DOCK5: variants seen among roughly 807,000 people sequenced by gnomAD.
DOCK5 encodes the protein dedicator of cytokinesis protein 5.
Under a neutral mutation model 251.8 loss-of-function variants are expected in DOCK5, and 142 were observed. That is an observed-to-expected ratio of 0.56 (90% confidence interval 0.49 to 0.65). The LOEUF (loss-of-function observed/expected upper bound fraction) is 0.65. DOCK5 is among the 30% of genes least tolerant of loss of function. The pLI is 0.00. For synonymous variants in DOCK5, 842 were observed against 835.5 expected, an observed-to-expected ratio of 1.01 and a Z score of -0.13; for missense variants, 2,111 against 2,312.3, an observed-to-expected ratio of 0.91 and a Z score of 1.79.
At position 25,325,637 on chromosome 8, in the gene DOCK5, G is replaced by A; in HGVS notation, c.1903+90G>A. On this transcript the variant is annotated intron_variant, in intron 18 of 51. Transcript: ENST00000276440. Reference sequence around the variant, plus strand: ...AGGCTCACAGGGCTGGACTATATGGGGCTGGGTCTTATTAGGTAGGATGTT... The same window carrying A: ...AGGCTCACAGGGCTGGACTATATGGAGCTGGGTCTTATTAGGTAGGATGTT... The A allele has an allele frequency of 6.8e-6, 10 of 1,473,034 alleles. No homozygotes were observed. In the South Asian group the frequency reaches 1.4e-4, roughly 20 times the overall value. 91.2% of individuals were successfully genotyped at this position (1,473,034 alleles called of 1,614,324 possible).
At chr8:25,364,356 C>T (rs1382037831) in intron 29 of DOCK5, among the ~76,000 whole-genome samples, 1 of 152,138 alleles carries the variant, frequency 6.6e-6, no homozygotes. Context: ...TCCTCTGAGG[C>T]TTAAGAGTCC....
At chr8:25,306,444 C>A (rs928295444) in intron 11 of DOCK5, among the ~76,000 whole-genome samples, 1 of 152,058 alleles carries the variant, frequency 6.6e-6, no homozygotes, top group East Asian at 1.9e-4. Context: ...CATAGGCTTA[C>A]GCCTGTAATC....
chr8:25,343,001 G>A (rs192313288), intron 25 of DOCK5, among the ~76,000 whole-genome samples: 63 of 151,654 alleles, frequency 4.2e-4, no homozygotes, highest in Non-Finnish European at 7.2e-4. Context: ...CACCGCGTCC[G>A]GCTTGTTTGT....
chr8:25,216,087 A>G (rs1425327324), intron 1 of DOCK5, among the ~76,000 whole-genome samples: 2 of 149,046 alleles, frequency 1.3e-5, no homozygotes, highest in African/African-American at 2.6e-5. Context: ...TATACAACAT[A>G]TGTACACAAT....
intron 6 of DOCK5, among the ~76,000 whole-genome samples, chr8:25,295,978 C>T (rs1563342080): frequency 6.6e-6 from 1 of 152,106 alleles, no homozygotes; most frequent in Admixed American, 6.5e-5. Context: ...TGCTACTACA[C>T]CTGGCTAATT....
intron 2 of DOCK5, among the ~76,000 whole-genome samples, chr8:25,246,420 C>G (rs962406531): frequency 2.0e-5 from 3 of 152,074 alleles, no homozygotes; most frequent in Non-Finnish European, 4.4e-5. Context: ...ATTACAGACA[C>G]CCGCCGCCAT....
At chr8:25,246,499 C>T (rs192343064) in intron 2 of DOCK5, among the ~76,000 whole-genome samples, 1 of 152,090 alleles carries the variant, frequency 6.6e-6, no homozygotes, top group Non-Finnish European at 1.5e-5. Context: ...GTCTCGTGGC[C>T]AACTCCTGAC....
chr8:25,299,204 A>C (rs1804694980), intron 8 of DOCK5, 103 bp downstream of exon 8: 1 of 1,326,680 alleles, frequency 7.5e-7, no homozygotes, highest in South Asian at 1.5e-5. Flanking sequence ...AAGAGAAAAT[A>C]GGGAAGCATG....
At position 25,317,309 on chromosome 8, in the gene DOCK5, A is replaced by G. The variant is rs551542220; in HGVS notation, c.1443+178A>G. ...AGTGAGCAGTTTCACTAAGGAAGCT[A>G]TCTAGACTCTTCTAGACTCTTATTT... is the stretch of plus-strand genomic sequence containing the variant. On this transcript the variant is annotated intron_variant, in intron 14 of 51. Transcript: ENST00000276440. The G allele has an allele frequency of 1.3e-5, 11 of 817,998 alleles. No homozygotes were observed. The Admixed American group carries it at 2.7e-4, about 20-fold the overall frequency. 50.7% of individuals were successfully genotyped at this position (817,998 alleles called of 1,614,324 possible).
intron 28 of DOCK5, among the ~76,000 whole-genome samples, chr8:25,360,900 A>G (rs1486580245): frequency 1.3e-5 from 2 of 152,198 alleles, no homozygotes; most frequent in Non-Finnish European, 2.9e-5. Context: ...CCTGTTTGCC[A>G]GCATGGTGTT....
Position 25,410,314 on chromosome 8 carries a change from A to C in DOCK5, c.5508+112A>C. 3.5e-6 allele frequency: 3 copies of C among 849,616 alleles called. No homozygotes were observed. In the South Asian group the frequency reaches 4.8e-5, roughly 14 times the overall value. 52.6% of individuals were successfully genotyped at this position (849,616 alleles called of 1,614,324 possible). ...GGTTTGCTCATAGACCTGTCACTGCAGTCGATTCTTGGCTCATTCCTGAAA... is the reference window on the plus strand; with the variant it reads ...GGTTTGCTCATAGACCTGTCACTGCCGTCGATTCTTGGCTCATTCCTGAAA... On this transcript the variant is annotated intron_variant, in intron 51 of 51. Transcript: ENST00000276440.
chr8:25,300,143 C>T (rs1193008475), intron 8 of DOCK5, among the ~76,000 whole-genome samples: 2 of 152,264 alleles, frequency 1.3e-5, no homozygotes, highest in African/African-American at 4.8e-5. Flanking sequence ...TGACCTCAGG[C>T]GATCCGCCCG....
At chr8:25,268,720 G>A in intron 2 of DOCK5, 125 bp from the exon 3 acceptor site, 1 of 761,076 alleles carries the variant, frequency 1.3e-6, no homozygotes, top group East Asian at 2.9e-5. Flanking sequence ...CTAACGTACT[G>A]TTAATTGTCT....
At chr8:25,215,712 C>T (rs1802226642) in intron 1 of DOCK5, among the ~76,000 whole-genome samples, 1 of 151,382 alleles carries the variant, frequency 6.6e-6, no homozygotes, top group South Asian at 2.1e-4. Context: ...TTTTTTTCAC[C>T]TTTAAATATA....
chr8:25,351,510 G>A, intron 26 of DOCK5: 1 of 496,824 alleles, frequency 2.0e-6, no homozygotes, highest in Non-Finnish European at 3.6e-6. Flanking sequence ...TCCCTGCACA[G>A]CCACATTCAT....
intron 46 of DOCK5, among the ~76,000 whole-genome samples, chr8:25,400,513 A>AAAAAAAAG (rs1479883733): frequency 3.4e-4 from 52 of 151,678 alleles, no homozygotes; most frequent in Non-Finnish European, 5.9e-4. Context: ...AAAAAAAAAG[A>AAAAAAAAG]AAAGTTCATC....
intron 1 of DOCK5, among the ~76,000 whole-genome samples, chr8:25,243,332 CT>C (rs539379147): frequency 3.1e-3 from 428 of 138,536 alleles, no homozygotes; most frequent in African/African-American, 3.3e-3. Context: ...GACATGCATT[CT>C]TTTTTTTTTT....
intron 47 of DOCK5, among the ~76,000 whole-genome samples, chr8:25,402,750 T>C (rs1801460258): frequency 2.0e-5 from 3 of 152,170 alleles, no homozygotes; most frequent in African/African-American, 7.2e-5. Context: ...AGCCCTTTAA[T>C]GGTCTTATTC....
chr8:25,340,706 G>A (rs1287676615), intron 22 of DOCK5, among the ~76,000 whole-genome samples, 171 bp from the exon 23 acceptor site: 1 of 152,204 alleles, frequency 6.6e-6, no homozygotes, highest in Non-Finnish European at 1.5e-5. Context: ...TTTCCGGGTT[G>A]AGCGGCTTCT....
Sources: allele counts gnomAD v4.1 joint callset (sites outside exome capture counted in the v4.1 genomes callset), GRCh38; gene constraint gnomAD v4.1.1; transcripts MANE v1.5; gene names NCBI Gene and HGNC (gene_info 2026-07-23, HGNC 2026-07-21).